The following NEK1 variants were observed in gnomAD, a reference collection of about 807,000 sequenced individuals.
NEK1 encodes serine/threonine-protein kinase Nek1.
Under a neutral mutation model 182.1 loss-of-function variants are expected in NEK1, and 137 were observed. The ratio of observed to expected loss-of-function variants is 0.75; its 90% CI spans 0.65 to 0.87. The LOEUF (loss-of-function observed/expected upper bound fraction) is 0.87, where lower values mean the gene tolerates loss of function less well. Among genes scored for constraint, NEK1 ranks in the 40% least tolerant of loss-of-function variants. The pLI is 0.00. For missense variants in NEK1, 1,391 were observed against 1,494.4 expected (o/e 0.93, Z 1.14); for synonymous variants, 513 against 492.2 (o/e 1.04, Z -0.56).
At chr4:169,523,689 G>A (rs1004604831) in intron 19 of NEK1, among the ~76,000 whole-genome samples, 2 of 152,120 alleles carry the variant, frequency 1.3e-5, no homozygotes, top group African/African-American at 4.8e-5. Flanking sequence ...CTAATATAGA[G>A]GTAATGCATA....
intron 2 of NEK1, among the ~76,000 whole-genome samples, chr4:169,606,660 C>G (rs1414529474): frequency 1.3e-5 from 2 of 152,146 alleles, no homozygotes; most frequent in Non-Finnish European, 2.9e-5. Context: ...ACAGATATCT[C>G]TAGATTGGGT....
chr4:169,465,341 C>T (rs1190981059), intron 26 of NEK1, among the ~76,000 whole-genome samples: 1 of 152,006 alleles, frequency 6.6e-6, no homozygotes, highest in Non-Finnish European at 1.5e-5. Flanking sequence ...TGGAATTTAA[C>T]CCCTTCAATG....
At chr4:169,465,946 A>C (rs910262466) in intron 26 of NEK1, among the ~76,000 whole-genome samples, 6 of 152,014 alleles carry the variant, frequency 3.9e-5, no homozygotes, top group Non-Finnish European at 8.8e-5. Flanking sequence ...ACATTTGGAC[A>C]CCCCCAAAAA....
At chr4:169,611,554 T>C (rs1294549688) in intron 2 of NEK1, among the ~76,000 whole-genome samples, 1 of 152,178 alleles carries the variant, frequency 6.6e-6, no homozygotes, top group East Asian at 1.9e-4. Flanking sequence ...AAAGCAGATC[T>C]TAAAGAACAA....
intron 8 of NEK1, 40 bp downstream of exon 8, chr4:169,588,609 G>A (rs1308581760): frequency 7.9e-7 from 1 of 1,267,736 alleles, no homozygotes; most frequent in African/African-American, 1.5e-5. Context: ...CAAAAAAATT[G>A]AAAGCAAATA....
intron 28 of NEK1, among the ~76,000 whole-genome samples, chr4:169,434,202 G>GTT (rs70964203): frequency 0.014 from 1,178 of 81,850 alleles, 31 homozygotes; most frequent in African/African-American, 0.045. Context: ...CACTCAAATA[G>GTT]TTTTTTTTTT....
chr4:169,406,866 GT>G lies in NEK1; in HGVS notation c.3223-120del, dbSNP rs568558279. The G allele has an allele frequency of 2.2e-3, 1,316 of 593,358 alleles. 15 individuals carry two copies. In the African/African-American group the frequency reaches 0.024, roughly 11 times the overall value. The allele number at this position is 593,358 out of a possible 1,614,324, so 36.8% of individuals were successfully genotyped here. ...ATGTGTAAAATGTAACATATAAAAA[GT>G]TTTTTTATATATGTAACATATATAT... is the stretch of plus-strand genomic sequence containing the variant. On this transcript the variant is annotated intron_variant, in intron 31 of 35. Coordinates refer to ENST00000507142, the MANE Select transcript of NEK1 (RefSeq NM_001199397.3).
At chr4:169,402,311 T>C (rs1040565873) in intron 32 of NEK1, among the ~76,000 whole-genome samples, 4 of 152,242 alleles carry the variant, frequency 2.6e-5, no homozygotes, top group South Asian at 2.1e-4. Flanking sequence ...CTAGACACTA[T>C]ACAAAAGGCT....
intron 23 of NEK1, among the ~76,000 whole-genome samples, chr4:169,488,617 T>C (rs1046622114): frequency 1.3e-5 from 2 of 152,168 alleles, no homozygotes; most frequent in Admixed American, 1.3e-4. Context: ...ATTATACTTT[T>C]GAGAATCCAA....
chr4:169,433,795 A>G (rs1554030800), intron 28 of NEK1, 130 bp from the exon 29 acceptor site: 1 of 856,342 alleles, frequency 1.2e-6, no homozygotes, highest in East Asian at 2.7e-5. Context: ...AAAATTAAGT[A>G]TTCTCTCTAT....
chr4:169,540,214 T>C (rs1319951348), intron 18 of NEK1, among the ~76,000 whole-genome samples: 1 of 152,102 alleles, frequency 6.6e-6, no homozygotes, highest in Non-Finnish European at 1.5e-5. Context: ...ATATTGAGTG[T>C]CAACTATTTG....
intron 18 of NEK1, among the ~76,000 whole-genome samples, chr4:169,553,768 G>C (rs927613925): frequency 7.9e-5 from 12 of 152,196 alleles, no homozygotes; most frequent in Non-Finnish European, 1.6e-4. Context: ...TATGTCATTA[G>C]GGAATTGTAA....
intron 27 of NEK1, among the ~76,000 whole-genome samples, chr4:169,443,514 A>C (rs1739930962): frequency 6.6e-6 from 1 of 152,016 alleles, no homozygotes; most frequent in African/African-American, 2.4e-5. Flanking sequence ...AAAGAATGGA[A>C]GTCTATGTGA....
chr4:169,501,880 C>T (rs756617121), intron 23 of NEK1, among the ~76,000 whole-genome samples: 6 of 151,402 alleles, frequency 4.0e-5, no homozygotes, highest in Non-Finnish European at 5.9e-5. Flanking sequence ...AGCTAGCCGA[C>T]GAAAAGAAAT....
At chr4:169,537,589 A>G (rs564631133) in intron 19 of NEK1, among the ~76,000 whole-genome samples, 2 of 152,336 alleles carry the variant, frequency 1.3e-5, no homozygotes, top group South Asian at 4.1e-4. Flanking sequence ...CAAAGCAACA[A>G]TAGAATTCCA....
chr4:169,562,864 T>A (rs1032472678), intron 12 of NEK1, among the ~76,000 whole-genome samples: 11 of 152,208 alleles, frequency 7.2e-5, no homozygotes, highest in Admixed American at 5.2e-4. Context: ...ATATACTGTT[T>A]ACCTAACTTT....
chr4:169,521,532 C>G (rs1302420453), intron 19 of NEK1, among the ~76,000 whole-genome samples: 1 of 152,224 alleles, frequency 6.6e-6, no homozygotes, highest in Non-Finnish European at 1.5e-5. Context: ...GTTCCTCCCC[C>G]TGCAATAACT....
chr4:169,466,158 G>C (rs1579911809), intron 26 of NEK1, among the ~76,000 whole-genome samples: 3 of 151,906 alleles, frequency 2.0e-5, no homozygotes, highest in Admixed American at 6.6e-5. Context: ...ACATTAATAA[G>C]ATCCACACTG....
rs1026100579 is a variant in NEK1 at position 169,498,542 on chromosome 4, C to T, written c.2007+8495G>A. ...TGGCATGTTTTTTCAGTGGCTGGTA[C>T]TGGTTGTTCCTTTCCATGTTTAGTG... On this transcript the variant is annotated intron_variant, in intron 23 of 35. Transcript: ENST00000507142. Among the ~76,000 whole-genome samples, 22 of 152,278 alleles carry T rather than the reference C, an allele frequency of 1.4e-4. No individual in the cohort carries two copies. The East Asian group carries it at 1.7e-3, about 12-fold the overall frequency.
Sources: allele counts gnomAD v4.1 joint callset (sites outside exome capture counted in the v4.1 genomes callset), GRCh38; gene constraint gnomAD v4.1.1; transcripts MANE v1.5; gene names NCBI Gene and HGNC (gene_info 2026-07-23, HGNC 2026-07-21).